TGS1: variants seen among roughly 807,000 people sequenced by gnomAD.
The protein encoded by TGS1 is trimethylguanosine synthase 1.
A neutral mutation model predicts 92.2 loss-of-function variants in TGS1; 69 were observed. The observed-to-expected ratio is 0.75, with a 90% CI of 0.62 to 0.91. The LOEUF (loss-of-function observed/expected upper bound fraction) is 0.91, where lower values mean the gene tolerates loss of function less well. TGS1 is among the 40% of genes least tolerant of loss of function. TGS1 has a pLI of 0.00. For synonymous variants in TGS1, 345 were observed against 338.1 expected (o/e 1.02, Z -0.22); for missense variants, 1,062 against 1,001.2 (o/e 1.06, Z -0.82).
At position 55,807,850 on chromosome 8, in the gene TGS1, G is replaced by A. The variant is rs192944745; in HGVS notation, c.2143+2814G>A. Among the ~76,000 whole-genome samples, 223 of 152,162 alleles carry A rather than the reference G, an allele frequency of 1.5e-3. 1 individual carries two copies. The Middle Eastern group carries it at 0.02, about 14-fold the overall frequency. On this transcript the variant is annotated intron_variant, in intron 10 of 12. Transcript: ENST00000260129. ...AGACAAGAAGCAGAGTTTTCATTTA[G>A]TTTTCATTCTGAAGATGCATATTTT...
intron 12 of TGS1, among the ~76,000 whole-genome samples, chr8:55,814,158 C>T (rs990804126): frequency 3.9e-5 from 6 of 151,998 alleles, no homozygotes; most frequent in African/African-American, 1.2e-4. Flanking sequence ...ATGTTGCCCA[C>T]ACTGGTCTCA....
At position 55,786,982 on chromosome 8, in the gene TGS1, C is replaced by G. The variant is rs1328582356; in HGVS notation, c.1084C>G (p.Gln362Glu). ...CAAAAGAGAGTGCCCTGCTTCCGGC[C>G]AAAGTGAACCACGTAATGGAGGAAC... is the stretch of plus-strand genomic sequence containing the variant. ...SSKRECPASG[Q>E]SEPRNGGTNE... The change falls in exon 4 of 13, where the codon CAA becomes GAA. Residue 362 changes from glutamine (Q) to glutamate (E), a missense_variant. By Grantham distance (29) the Gln-to-Glu change is conservative. Coordinates refer to ENST00000260129, the MANE Select transcript of TGS1 (RefSeq NM_024831.8). 6.2e-7 allele frequency: 1 copy of G among 1,613,966 alleles called. No individual in the cohort carries two copies. The highest frequency in any genetic ancestry group is 1.3e-5 in the African/African-American group (1 of 74,916).
intron 12 of TGS1, among the ~76,000 whole-genome samples, chr8:55,815,089 A>T (rs774300554): frequency 6.6e-6 from 1 of 152,232 alleles, no homozygotes; most frequent in Non-Finnish European, 1.5e-5. Context: ...TCATTTGAGT[A>T]CTTGAATAAC....
chr8:55,795,709 C>A (rs1371635350), intron 6 of TGS1, among the ~76,000 whole-genome samples: 1 of 152,094 alleles, frequency 6.6e-6, no homozygotes, highest in Non-Finnish European at 1.5e-5. Context: ...TTATTTATTG[C>A]AGTCTACTAT....
intron 12 of TGS1, among the ~76,000 whole-genome samples, chr8:55,815,949 T>TA (rs1199653722): frequency 6.7e-6 from 1 of 150,110 alleles, no homozygotes; most frequent in Non-Finnish European, 1.5e-5. Flanking sequence ...TTTATTTATT[T>TA]TATTTATTTA....
rs555473038 is a variant in TGS1 at position 55,810,112 on chromosome 8, A to T, written c.2144-769A>T. On this transcript the variant is annotated intron_variant, in intron 10 of 12. Transcript: ENST00000260129. ...ATTTGGAAACTAGCATTTTCTGGAAAACAATTTCCATGACAACCACGCCGT... is the reference window on the plus strand; with the variant it reads ...ATTTGGAAACTAGCATTTTCTGGAATACAATTTCCATGACAACCACGCCGT... Among the ~76,000 whole-genome samples, 10 of 152,354 alleles carry T rather than the reference A, an allele frequency of 6.6e-5. 1 individual carries two copies. The South Asian group carries it at 2.1e-3, about 32-fold the overall frequency.
chr8:55,822,850 C>T (rs1325273942), intron 12 of TGS1, among the ~76,000 whole-genome samples: 1 of 152,180 alleles, frequency 6.6e-6, no homozygotes, highest in African/African-American at 2.4e-5. Context: ...CACAATAAAT[C>T]TTCCCTTCTA....
intron 5 of TGS1, among the ~76,000 whole-genome samples, chr8:55,792,147 C>T (rs768806778): frequency 7.2e-5 from 11 of 152,326 alleles, no homozygotes; most frequent in Admixed American, 2.6e-4. Context: ...AATTATTTCT[C>T]ACCATTTTCC....
At chr8:55,799,808 A>G (rs1812171873) in intron 8 of TGS1, among the ~76,000 whole-genome samples, 1 of 152,130 alleles carries the variant, frequency 6.6e-6, no homozygotes, top group Non-Finnish European at 1.5e-5. Context: ...CCAAAGGCTC[A>G]AGCAGTCCTC....
intron 2 of TGS1, 46 bp downstream of exon 2, chr8:55,782,858 C>A: frequency 8.1e-7 from 1 of 1,240,826 alleles, no homozygotes; most frequent in Non-Finnish European, 1.2e-6. Context: ...TGAAATTAGC[C>A]ATAATGTGTT....
chr8:55,823,099 C>G (rs1369924397), intron 12 of TGS1, among the ~76,000 whole-genome samples: 1 of 152,162 alleles, frequency 6.6e-6, no homozygotes, highest in East Asian at 1.9e-4. Flanking sequence ...ATTCTCTCTT[C>G]TCTTGATCTT....
intron 12 of TGS1, among the ~76,000 whole-genome samples, chr8:55,820,978 AT>A (rs1426608661): frequency 6.6e-6 from 1 of 152,220 alleles, no homozygotes; most frequent in African/African-American, 2.4e-5. Flanking sequence ...CATTCATTAA[AT>A]TTGCCTGAAG....
rs776003911 is a variant in TGS1 at position 55,786,728 on chromosome 8, CAG to C, written c.832_833del (p.Glu278SerfsTer2). On this transcript the variant is annotated frameshift_variant, in exon 4 of 13. Coordinates refer to ENST00000260129, the MANE Select transcript of TGS1 (RefSeq NM_024831.8). LOFTEE classifies it high-confidence loss of function. ...GATACAGATACTTACACATCTAAAA[CAG>C]AAGCTGATGACAAGAACGATGAAAA... 6.2e-7 allele frequency: 1 copy of C among 1,614,118 alleles called. No homozygotes were observed. Among genetic ancestry groups the C allele is most frequent in the South Asian group, 1.1e-5 (1 of 91,084 alleles).
At chr8:55,811,135 G>T in intron 11 of TGS1, 38 bp downstream of exon 11, 1 of 1,099,758 alleles carries the variant, frequency 9.1e-7, no homozygotes, top group South Asian at 1.2e-5. Context: ...CTGAAACAAT[G>T]ATTGTGGAGA....
intron 1 of TGS1, among the ~76,000 whole-genome samples, chr8:55,778,532 T>C (rs565723835): frequency 2.0e-5 from 3 of 152,350 alleles, no homozygotes; most frequent in African/African-American, 7.2e-5. Flanking sequence ...ATCATACTCA[T>C]GTGACAGTGT....
At chr8:55,796,535 A>G (rs1037426485) in intron 7 of TGS1, among the ~76,000 whole-genome samples, 2 of 151,956 alleles carry the variant, frequency 1.3e-5, no homozygotes, top group African/African-American at 4.8e-5. Context: ...CTAAAAATAC[A>G]AAATTAGCTG....
chr8:55,794,847 A>T (rs1811995481), intron 6 of TGS1, among the ~76,000 whole-genome samples: 1 of 152,168 alleles, frequency 6.6e-6, no homozygotes, highest in African/African-American at 2.4e-5. Context: ...AAGGGTTGAG[A>T]TTTCAGGTCC....
intron 2 of TGS1, among the ~76,000 whole-genome samples, chr8:55,784,749 C>T (rs1811660529): frequency 6.6e-6 from 1 of 152,176 alleles, no homozygotes; most frequent in South Asian, 2.1e-4. Context: ...CTTGTTAATA[C>T]CTCCTAAAAT....
chr8:55,809,471 G>A (rs947980057), intron 10 of TGS1, among the ~76,000 whole-genome samples: 2 of 147,342 alleles, frequency 1.4e-5, no homozygotes, highest in Non-Finnish European at 3.0e-5. Flanking sequence ...TTTTTTTGCA[G>A]TTGTGGGGTG....
Sources: allele counts gnomAD v4.1 joint callset (sites outside exome capture counted in the v4.1 genomes callset), GRCh38; gene constraint gnomAD v4.1.1; transcripts MANE v1.5; gene names NCBI Gene and HGNC (gene_info 2026-07-23, HGNC 2026-07-21).